Variants in VPS13D observed in about 807,000 individuals in gnomAD.
VPS13D encodes intermembrane lipid transfer protein VPS13D.
Under a neutral mutation model 461.9 loss-of-function variants are expected in VPS13D, and 187 were observed. The observed-to-expected ratio is 0.40, with a 90% CI of 0.36 to 0.46. The LOEUF (loss-of-function observed/expected upper bound fraction) is 0.46, where lower values mean the gene tolerates loss of function less well. Ranked by LOEUF, VPS13D falls within the 20% of genes least tolerant of loss-of-function variation. VPS13D has a pLI of 0.60. For synonymous variants in VPS13D, 1,951 were observed against 1,986.3 expected (o/e 0.98, Z 0.47); for missense variants, 4,711 against 5,364.9 (o/e 0.88, Z 3.81).
intron 65 of VPS13D, among the ~76,000 whole-genome samples, chr1:12,425,939 C>T (rs1329184020): frequency 6.6e-6 from 1 of 152,226 alleles, no homozygotes; most frequent in Non-Finnish European, 1.5e-5. Context: ...AAACCATGAG[C>T]CGTTGGAAAC....
chr1:12,482,583 C>T (rs955425347), intron 67 of VPS13D, among the ~76,000 whole-genome samples: 1 of 152,072 alleles, frequency 6.6e-6, no homozygotes, highest in Non-Finnish European at 1.5e-5. Flanking sequence ...CATGAATTAT[C>T]TCTTTAATCC....
intron 65 of VPS13D, among the ~76,000 whole-genome samples, chr1:12,445,904 A>G (rs1193644457): frequency 6.6e-6 from 1 of 152,188 alleles, no homozygotes; most frequent in Non-Finnish European, 1.5e-5. Flanking sequence ...CCAGTTCCCA[A>G]TTGGTGGTCT....
intron 63 of VPS13D, chr1:12,407,201 C>T (rs1644667313): frequency 6.6e-6 from 1 of 152,218 alleles, no homozygotes; most frequent in South Asian, 2.1e-4. Flanking sequence ...CCCTGCTTCA[C>T]ATAAACAGTC....
At chr1:12,322,841 A>G (rs1643076044) in intron 34 of VPS13D, 95 bp downstream of exon 34, 1 of 1,044,702 alleles carries the variant, frequency 9.6e-7, no homozygotes, top group Non-Finnish European at 1.4e-6. Flanking sequence ...AATTGTACAC[A>G]GTTTAATTGT....
At chr1:12,457,167 A>G (rs1645341070) in intron 66 of VPS13D, among the ~76,000 whole-genome samples, 1 of 152,226 alleles carries the variant, frequency 6.6e-6, no homozygotes, top group Non-Finnish European at 1.5e-5. Flanking sequence ...GGCCCTTGGA[A>G]CTATAAATCC....
At chr1:12,230,552 G>T (rs1639929534) in intron 1 of VPS13D, among the ~76,000 whole-genome samples, 2 of 152,106 alleles carry the variant, frequency 1.3e-5, no homozygotes, top group African/African-American at 2.4e-5. Flanking sequence ...CTCAATGCAG[G>T]ACCCCAGTGT....
intron 65 of VPS13D, among the ~76,000 whole-genome samples, chr1:12,442,132 T>A (rs1053353698): frequency 2.6e-5 from 4 of 152,224 alleles, no homozygotes; most frequent in African/African-American, 9.6e-5. Flanking sequence ...TTAAACTTTT[T>A]AGAGTCAGAT....
At chr1:12,448,806 A>G (rs888885713) in intron 65 of VPS13D, among the ~76,000 whole-genome samples, 2 of 152,204 alleles carry the variant, frequency 1.3e-5, no homozygotes, top group African/African-American at 4.8e-5. Context: ...AAATCCTATT[A>G]TGGGAATGCT....
Position 12,386,318 on chromosome 1 carries a change from G to C in VPS13D, c.11618G>C (p.Ser3873Thr). ...QLATSHMLEL[S>T]IQDVQVDNQL... is the part of the protein sequence containing the mutation. The stretch of plus-strand genomic sequence containing the variant: ...GCAACCAGTCACATGCTTGAACTCA[G>C]CATACAGGATGTACAGGTAAGGGGG... The change falls in exon 60 of 70, where the codon AGC becomes ACC. Residue 3873 changes from serine to threonine, a missense_variant. Ser to Thr is a moderately conservative substitution (Grantham distance 58). This residue lies in a region of VPS13D where 4,411 missense variants were observed against 4,937.8 expected (regional missense o/e 0.89). Coordinates refer to ENST00000620676, the MANE Select transcript of VPS13D (RefSeq NM_015378.4). 1.9e-6 allele frequency: 3 copies of C among 1,608,926 alleles called. No individual in the cohort carries two copies. The highest frequency in any genetic ancestry group is 2.5e-6 in the Non-Finnish European group (3 of 1,177,888).
At chr1:12,332,282 A>G (rs781651224) in intron 37 of VPS13D, among the ~76,000 whole-genome samples, 2 of 152,256 alleles carry the variant, frequency 1.3e-5, no homozygotes, top group Non-Finnish European at 2.9e-5. Flanking sequence ...TCCAATAGCA[A>G]TAAAACTGGA....
chr1:12,293,496 T>C, intron 23 of VPS13D, 28 bp from the exon 24 acceptor site: 1 of 1,556,170 alleles, frequency 6.4e-7, no homozygotes, highest in Non-Finnish European at 8.7e-7. Flanking sequence ...TGCTGTTATC[T>C]GAGTCACACT....
chr1:12,408,118 C>T (rs1435952486), intron 63 of VPS13D, among the ~76,000 whole-genome samples: 3 of 152,130 alleles, frequency 2.0e-5, no homozygotes, highest in Non-Finnish European at 4.4e-5. Context: ...TCATCACTCA[C>T]CATGAGGTGG....
intron 66 of VPS13D, among the ~76,000 whole-genome samples, chr1:12,457,706 GTT>G (rs1490735586): frequency 6.6e-6 from 1 of 152,218 alleles, no homozygotes; most frequent in Non-Finnish European, 1.5e-5. Context: ...TTAGAATAGA[GTT>G]TTTGTTTATC....
rs1345706621 is a variant in VPS13D, at chr1:12,356,486, T to C, written c.9960T>C (p.Pro3320=). Residue 3320 remains proline (P), a synonymous_variant, in exon 49 of 70, where the codon CCT becomes CCC. Coordinates refer to ENST00000620676, the MANE Select transcript of VPS13D (RefSeq NM_015378.4). ...EEHELARSLS[P]LLFCYADKEQ... is the part of the protein sequence containing the mutation. Reference sequence around the variant, plus strand: ...ATGAGCTGGCCCGTAGCCTGAGTCCTCTCTTATTCTGCTATGCTGACAAAG... The same window carrying C: ...ATGAGCTGGCCCGTAGCCTGAGTCCCCTCTTATTCTGCTATGCTGACAAAG... 1 of 1,614,076 alleles carries C rather than the reference T, an allele frequency of 6.2e-7. No homozygotes were observed. Among genetic ancestry groups the C allele is most frequent in the Admixed American group, 1.7e-5 (1 of 60,018 alleles).
intron 65 of VPS13D, among the ~76,000 whole-genome samples, chr1:12,439,137 C>T (rs1242267577): frequency 6.6e-6 from 1 of 152,138 alleles, no homozygotes; most frequent in Admixed American, 6.6e-5. Context: ...CCTCCAGAGG[C>T]TTCCCGTTTC....
chr1:12,381,976 TTCTTTCTC>T (rs1347104251), intron 57 of VPS13D, among the ~76,000 whole-genome samples: 113 of 138,766 alleles, frequency 8.1e-4, no homozygotes, highest in African/African-American at 3.1e-3. Flanking sequence ...CTTTCTTTCT[TTCTTTCTC>T]TCTCTCTCTC....
At chr1:12,447,476 C>T (rs1645207669) in intron 65 of VPS13D, among the ~76,000 whole-genome samples, 2 of 152,176 alleles carry the variant, frequency 1.3e-5, no homozygotes, top group African/African-American at 4.8e-5. Flanking sequence ...TTGGCTGATG[C>T]TTATGATTCC....
intron 65 of VPS13D, among the ~76,000 whole-genome samples, chr1:12,419,666 A>G (rs570259780): frequency 2.0e-5 from 3 of 152,272 alleles, no homozygotes; most frequent in Admixed American, 6.5e-5. Flanking sequence ...GGATGGTACT[A>G]ATCCATTCAT....
intron 57 of VPS13D, among the ~76,000 whole-genome samples, chr1:12,382,219 A>G (rs1295859275): frequency 6.6e-6 from 1 of 151,888 alleles, no homozygotes; most frequent in African/African-American, 2.4e-5. Context: ...CTCCTGCCTC[A>G]GCCTCCTGAG....
Sources: allele counts gnomAD v4.1 joint callset (sites outside exome capture counted in the v4.1 genomes callset), GRCh38; gene constraint gnomAD v4.1.1; regional missense constraint gnomAD v4.1.1; transcripts MANE v1.5; gene names NCBI Gene and HGNC (gene_info 2026-07-23, HGNC 2026-07-21).